KCTD8: variants seen among roughly 807,000 people sequenced by gnomAD.
KCTD8 encodes potassium channel tetramerization domain containing 8, also known as BTB/POZ domain-containing protein KCTD8.
A neutral mutation model predicts 31.5 loss-of-function variants in KCTD8; 27 were observed. The observed-to-expected ratio is 0.86, with a 90% confidence interval of 0.63 to 1.18. The LOEUF (loss-of-function observed/expected upper bound fraction) is 1.18, where lower values mean the gene tolerates loss of function less well. Ranked by LOEUF, KCTD8 falls within the 50% of genes most tolerant of loss-of-function variation. KCTD8 has a pLI of 0.00. For synonymous variants in KCTD8, 290 were observed against 280.0 expected (o/e 1.04, Z -0.36); for missense variants, 658 against 647.7 (o/e 1.02, Z -0.17).
chr4:44,408,023 T>C (rs1720845735), intron 1 of KCTD8, among the ~76,000 whole-genome samples: 1 of 152,096 alleles, frequency 6.6e-6, no homozygotes, highest in South Asian at 2.1e-4. Flanking sequence ...TCGTTACCCT[T>C]CCTGTCATCA....
At chr4:44,205,519 G>A (rs1163037875) in intron 1 of KCTD8, among the ~76,000 whole-genome samples, 1 of 151,856 alleles carries the variant, frequency 6.6e-6, no homozygotes. Context: ...TTAATGTACT[G>A]GAAGTAACTG....
intron 1 of KCTD8, among the ~76,000 whole-genome samples, chr4:44,223,918 T>C (rs1714877138): frequency 6.6e-6 from 1 of 152,200 alleles, no homozygotes; most frequent in Admixed American, 6.5e-5. Context: ...GCAATACAGA[T>C]TATGGACTGT....
chr4:44,346,647 T>G (rs146696809), intron 1 of KCTD8, among the ~76,000 whole-genome samples: 109 of 152,240 alleles, frequency 7.2e-4, no homozygotes, highest in African/African-American at 2.5e-3. Context: ...CTTGGCTACA[T>G]GAAAGAGACT....
intron 1 of KCTD8, among the ~76,000 whole-genome samples, chr4:44,328,676 C>T (rs1479071931): frequency 6.6e-6 from 1 of 151,924 alleles, no homozygotes; most frequent in Non-Finnish European, 1.5e-5. Context: ...CAGTGCCATC[C>T]AAAGAGTTGC....
intron 1 of KCTD8, among the ~76,000 whole-genome samples, chr4:44,187,988 CACAT>C (rs1005448984): frequency 2.8e-5 from 4 of 142,474 alleles, no homozygotes; most frequent in Non-Finnish European, 3.1e-5. Context: ...CACACACACA[CACAT>C]ATATATATAC....
intron 1 of KCTD8, among the ~76,000 whole-genome samples, chr4:44,418,656 C>T (rs1721137640): frequency 6.6e-6 from 1 of 152,134 alleles, no homozygotes; most frequent in Non-Finnish European, 1.5e-5. Context: ...TGAGGCATGG[C>T]CTTCAGAATT....
At chr4:44,288,785 T>C (rs138650044) in intron 1 of KCTD8, among the ~76,000 whole-genome samples, 9 of 152,168 alleles carry the variant, frequency 5.9e-5, no homozygotes, top group African/African-American at 2.2e-4. Context: ...AATTTCTTTC[T>C]GACTACCTAT....
Position 44,312,460 on chromosome 4 carries a change from C to T in KCTD8, c.961+135103G>A, listed in dbSNP as rs371096131. Among the ~76,000 whole-genome samples, 9 of 152,112 alleles carry T rather than the reference C, an allele frequency of 5.9e-5. No homozygotes were observed. In the East Asian group the frequency reaches 1.7e-3, roughly 29 times the overall value. The stretch of plus-strand genomic sequence containing the variant: ...TTTTGTTTTTCCTTTCCATCATTTA[C>T]TTTGTTTTCTAATGCAAGAGTAAAT... On this transcript the variant is annotated intron_variant, in intron 1 of 1. Coordinates refer to ENST00000360029, the MANE Select transcript of KCTD8 (RefSeq NM_198353.3).
intron 1 of KCTD8, among the ~76,000 whole-genome samples, chr4:44,222,293 C>A (rs1346328353): frequency 6.6e-6 from 1 of 152,104 alleles, no homozygotes; most frequent in East Asian, 1.9e-4. Context: ...GCCAGACTGG[C>A]AGTCAGGAAG....
chr4:44,227,575 C>G (rs762598664), intron 1 of KCTD8, among the ~76,000 whole-genome samples: 2 of 152,144 alleles, frequency 1.3e-5, no homozygotes, highest in Non-Finnish European at 2.9e-5. Context: ...TTTGGTGAAA[C>G]CCACCTACTA....
At chr4:44,177,729 A>C (rs757135998) in intron 1 of KCTD8, among the ~76,000 whole-genome samples, 28 of 152,288 alleles carry the variant, frequency 1.8e-4, no homozygotes, top group Admixed American at 5.9e-4. Flanking sequence ...ACTTTAAGTC[A>C]ATTAAACCTC....
Position 44,447,818 on chromosome 4 carries a change from T to C in KCTD8, c.706A>G (p.Met236Val), listed in dbSNP as rs1721983775. ...DAKFRRVARI[M>V]VCGRIALAKE... ...GCCAGCGCGATGCGCCCGCACACCA[T>C]GATGCGCGCCACACGCCGGAATTTG... Residue 236 changes from methionine (M) to valine (V), a missense_variant, in exon 1 of 2, where the codon ATG (methionine) becomes GTG (valine). Transcript: ENST00000360029. 1.2e-6 allele frequency: 2 copies of C among 1,601,902 alleles called. No individual in the cohort carries two copies. The highest frequency in any genetic ancestry group is 1.7e-6 in the Non-Finnish European group (2 of 1,173,008).
At chr4:44,372,636 C>T (rs561918313) in intron 1 of KCTD8, among the ~76,000 whole-genome samples, 62 of 151,972 alleles carry the variant, frequency 4.1e-4, no homozygotes, top group Non-Finnish European at 8.2e-4. Flanking sequence ...TACTTACAAA[C>T]CTACTTCAAA....
intron 1 of KCTD8, among the ~76,000 whole-genome samples, chr4:44,237,720 C>T (rs1715333965): frequency 1.3e-5 from 2 of 152,160 alleles, no homozygotes; most frequent in African/African-American, 4.8e-5. Flanking sequence ...ATATAGTCCT[C>T]CTGATCCTTT....
chr4:44,359,740 T>G (rs1719448906), intron 1 of KCTD8, among the ~76,000 whole-genome samples: 1 of 152,162 alleles, frequency 6.6e-6, no homozygotes, highest in African/African-American at 2.4e-5. Context: ...ATAAAACTTC[T>G]AGTACCACAG....
chr4:44,374,711 G>A (rs1266166214), intron 1 of KCTD8, among the ~76,000 whole-genome samples: 1 of 152,122 alleles, frequency 6.6e-6, no homozygotes, highest in African/African-American at 2.4e-5. Flanking sequence ...GATGTGGGGG[G>A]AGGCTGATTG....
At chr4:44,382,937 C>T (rs1305527295) in intron 1 of KCTD8, among the ~76,000 whole-genome samples, 2 of 151,616 alleles carry the variant, frequency 1.3e-5, no homozygotes, top group Non-Finnish European at 2.9e-5. Context: ...AAAGCTCTTA[C>T]AACTGATAAA....
chr4:44,232,498 C>A (rs1284219013), intron 1 of KCTD8, among the ~76,000 whole-genome samples: 1 of 152,108 alleles, frequency 6.6e-6, no homozygotes, highest in Non-Finnish European at 1.5e-5. Flanking sequence ...CTATACAAGT[C>A]ATTAGAGCAC....
chr4:44,251,369 C>G (rs577132401), intron 1 of KCTD8, among the ~76,000 whole-genome samples: 5 of 151,616 alleles, frequency 3.3e-5, no homozygotes, highest in African/African-American at 1.2e-4. Context: ...CAGAAACCAA[C>G]TGGTAGATTC....
Sources: allele counts gnomAD v4.1 joint callset (sites outside exome capture counted in the v4.1 genomes callset), GRCh38; gene constraint gnomAD v4.1.1; transcripts MANE v1.5; gene names NCBI Gene and HGNC (gene_info 2026-07-23, HGNC 2026-07-21).